Variants in IL1RL2 observed in about 807,000 individuals in gnomAD.
The protein encoded by IL1RL2 is interleukin-1 receptor-like 2.
Under a neutral mutation model 66.8 loss-of-function variants are expected in IL1RL2, and 68 were observed. The observed-to-expected ratio is 1.02, with a 90% confidence interval of 0.84 to 1.25. IL1RL2 has a LOEUF of 1.25. Ranked by LOEUF, IL1RL2 falls within the 50% of genes most tolerant of loss-of-function variation. The pLI is 0.00. For synonymous variants in IL1RL2, 305 were observed against 264.6 expected (o/e 1.15, Z -1.48); for missense variants, 729 against 709.3 (o/e 1.03, Z -0.32).
chr2:102,234,371 C>G (rs958156599), intron 10 of IL1RL2, among the ~76,000 whole-genome samples: 1 of 152,156 alleles, frequency 6.6e-6, no homozygotes, highest in Admixed American at 6.5e-5. Flanking sequence ...AAACATGATT[C>G]ATGACTATAG....
At chr2:102,202,202 C>G (rs1394946757) in intron 5 of IL1RL2, among the ~76,000 whole-genome samples, 2 of 152,036 alleles carry the variant, frequency 1.3e-5, no homozygotes. Context: ...CCAGAGCAGC[C>G]AGCTCTCTTG....
At chr2:102,218,770 T>C (rs1388025504) in intron 6 of IL1RL2, among the ~76,000 whole-genome samples, 183 bp from the exon 7 acceptor site, 1 of 152,212 alleles carries the variant, frequency 6.6e-6, no homozygotes. Context: ...GGAAGGCCAC[T>C]TGCCCCTTGT....
chr2:102,236,398 G>A (rs1469821141), intron 11 of IL1RL2, among the ~76,000 whole-genome samples: 2 of 152,172 alleles, frequency 1.3e-5, no homozygotes, highest in South Asian at 2.1e-4. Context: ...CTCGTTCACA[G>A]GCGATGGGTG....
chr2:102,233,057 C>T lies in IL1RL2; in HGVS notation c.1230C>T (p.Pro410=), dbSNP rs36064496. Residue 410 remains proline, a synonymous_variant, in exon 10 of 12, where the codon CCC becomes CCT. Coordinates refer to ENST00000264257, the MANE Select transcript of IL1RL2 (RefSeq NM_003854.4). ...ATGCCCTGGTGTTGAATATCCTGCC[C>T]GAGGTGTTGGAGAGACAATGTGGAT... ...AVDALVLNIL[P]EVLERQCGYK... 3.0e-5 allele frequency: 49 copies of T among 1,613,948 alleles called. No homozygotes were observed. Among genetic ancestry groups the T allele is most frequent in the Non-Finnish European group, 3.5e-5 (41 of 1,180,014 alleles).
At chr2:102,213,202 AT>A (rs1689329803) in intron 6 of IL1RL2, among the ~76,000 whole-genome samples, 1 of 152,214 alleles carries the variant, frequency 6.6e-6, no homozygotes, top group South Asian at 2.1e-4. Flanking sequence ...GCTTTGAGAA[AT>A]TTACTAGGAA....
At chr2:102,196,241 G>A (rs1044567151) in intron 4 of IL1RL2, among the ~76,000 whole-genome samples, 6 of 152,084 alleles carry the variant, frequency 3.9e-5, no homozygotes, top group African/African-American at 9.7e-5. Context: ...ACTGAAGCAG[G>A]TCACCCATGG....
chr2:102,197,999 T>C (rs1166793347), intron 4 of IL1RL2, among the ~76,000 whole-genome samples: 1 of 152,192 alleles, frequency 6.6e-6, no homozygotes, highest in Non-Finnish European at 1.5e-5. Flanking sequence ...GCAAAGCACC[T>C]AGTATCTTGT....
chr2:102,231,257 C>G (rs1691102123), intron 9 of IL1RL2, among the ~76,000 whole-genome samples: 2 of 152,146 alleles, frequency 1.3e-5, no homozygotes, highest in Admixed American at 1.3e-4. Flanking sequence ...TAGACCCTCA[C>G]TTTTTTCCCC....
chr2:102,239,264 G>C lies in IL1RL2; in HGVS notation c.*23G>C. On this transcript the variant is annotated 3_prime_UTR_variant, in exon 12 of 12. Transcript: ENST00000264257. The stretch of plus-strand genomic sequence containing the variant: ...TAAGACTTGCTGGACTGACACCTAT[G>C]GCTGGAAGATGACTTGTTTTGCTCC... 6.2e-7 allele frequency: 1 copy of C among 1,611,018 alleles called. No homozygotes were observed. The highest frequency in any genetic ancestry group is 1.1e-5 in the South Asian group (1 of 91,022).
intron 8 of IL1RL2, among the ~76,000 whole-genome samples, chr2:102,225,422 G>A (rs1461048419): frequency 6.6e-6 from 1 of 152,204 alleles, no homozygotes; most frequent in African/African-American, 2.4e-5. Context: ...CTTTAAGGAT[G>A]ATGGGAGTCC....
At chr2:102,224,478 C>T (rs1465527615) in intron 8 of IL1RL2, among the ~76,000 whole-genome samples, 1 of 152,108 alleles carries the variant, frequency 6.6e-6, no homozygotes, top group East Asian at 1.9e-4. Context: ...CAGAAAGACA[C>T]ATATTGCATA....
chr2:102,215,268 A>C (rs1333162891), intron 6 of IL1RL2, among the ~76,000 whole-genome samples: 2 of 152,072 alleles, frequency 1.3e-5, no homozygotes, highest in East Asian at 3.9e-4. Flanking sequence ...ACATCATGCC[A>C]CTGTCTTGGA....
intron 4 of IL1RL2, among the ~76,000 whole-genome samples, chr2:102,195,547 ATTTCTTTCTTTCTC>A (rs1687594571): frequency 2.4e-5 from 3 of 125,182 alleles, no homozygotes; most frequent in African/African-American, 6.3e-5. Flanking sequence ...CCCTTATTCT[ATTTCTTTCTTTCTC>A]TTTCTTTCTT....
chr2:102,195,637 CTCTCTCTCTCTTTCTTTCTT>C (rs1687682909), intron 4 of IL1RL2, among the ~76,000 whole-genome samples: 2 of 30,354 alleles, frequency 6.6e-5, no homozygotes, highest in African/African-American at 8.2e-5. Flanking sequence ...TTCTCTCTCT[CTCTCTCTCTCTTTCTTTCTT>C]TCTTTCTTTC....
At chr2:102,216,756 T>C (rs575975435) in intron 6 of IL1RL2, among the ~76,000 whole-genome samples, 3 of 152,302 alleles carry the variant, frequency 2.0e-5, no homozygotes, top group South Asian at 2.1e-4. Context: ...GTTTCTATCA[T>C]TGTGGCTACC....
At position 102,235,224 on chromosome 2, in the gene IL1RL2, G is replaced by C. The variant is rs531412924; in HGVS notation, c.1625G>C (p.Arg542Pro). 1 of 1,614,014 alleles carries C rather than the reference G, an allele frequency of 6.2e-7. No homozygotes were observed. Among genetic ancestry groups the C allele is most frequent in the African/African-American group, 1.3e-5 (1 of 74,914 alleles). ...VRYHMPPRRC[R>P]PFPPVQLLQH... ...TACCACATGCCGCCCAGAAGGTGTC[G>C]GCCGTTTCCTCCGGTCCAGCTGCTG... Residue 542 changes from arginine to proline, a missense_variant, in exon 11 of 12, where the codon CGG becomes CCG. By Grantham distance (103) the Arg-to-Pro change is moderately radical (BLOSUM62 -2). Transcript: ENST00000264257.
intron 5 of IL1RL2, among the ~76,000 whole-genome samples, chr2:102,210,485 G>T (rs982842006): frequency 8.5e-5 from 13 of 152,174 alleles, no homozygotes; most frequent in Admixed American, 5.9e-4. Context: ...CCATTCCAGG[G>T]TGGATCAGAA....
chr2:102,195,643 C>G lies in IL1RL2; in HGVS notation c.489+3523C>G, dbSNP rs1385273887. Among the ~76,000 whole-genome samples the G allele has an allele frequency of 2.7e-4, 17 of 61,846 alleles. 1 individual carries two copies. Among genetic ancestry groups the G allele is most frequent in the Non-Finnish European group, 5.4e-4 (16 of 29,424 alleles). The allele number at this position is 61,846 out of a possible 152,430, so 40.6% of individuals were successfully genotyped here. The stretch of plus-strand genomic sequence containing the variant: ...TTTCTTTCTTTCTCTCTCTCTCTCT[C>G]TCTCTTTCTTTCTTTCTTTCTTTCT... On this transcript the variant is annotated intron_variant, in intron 4 of 11. Transcript: ENST00000264257.
chr2:102,195,609 C>CTTTCTTTCTTTCTTTCTT lies in IL1RL2; in HGVS notation c.489+3491_489+3508dup, dbSNP rs1559530066. Among the ~76,000 whole-genome samples the CTTTCTTTCTTTCTTTCTT allele has an allele frequency of 4.5e-4, 8 of 17,946 alleles. 1 individual carries two copies. The highest frequency in any genetic ancestry group is 1.2e-3 in the African/African-American group (8 of 6,648). The allele number at this position is 17,946 out of a possible 152,430, so 11.8% of individuals were successfully genotyped here. On this transcript the variant is annotated intron_variant, in intron 4 of 11. Transcript: ENST00000264257. ...TCTTTCTTTCTTTCTTTCTTTCTTT[C>CTTTCTTTCTTTCTTTCTT]TTTCTTTCTTTCTTTCTTTCTCTCT...
Sources: gnomAD v4.1 joint callset for allele counts (sites outside exome capture counted in the v4.1 genomes callset) on GRCh38, gnomAD v4.1.1 for gene constraint, MANE v1.5 for transcripts, NCBI Gene and HGNC (gene_info 2026-07-23, HGNC 2026-07-21) for gene names.